CHST15: variants seen among roughly 807,000 people sequenced by gnomAD.
CHST15 encodes carbohydrate sulfotransferase 15, also known as B cell RAG associated protein (GALNAC4S-6ST).
CHST15 carries 30 observed loss-of-function variants against 53.6 expected under a neutral mutation model. The ratio of observed to expected loss-of-function variants is 0.56; its 90% confidence interval spans 0.42 to 0.76. The LOEUF (loss-of-function observed/expected upper bound fraction) is 0.76, where lower values mean the gene tolerates loss of function less well. Among genes scored for constraint, CHST15 ranks in the 30% least tolerant of loss-of-function variants. The pLI, the probability that CHST15 is intolerant of heterozygous loss-of-function variation, is 0.00. For missense variants in CHST15, 627 were observed against 740.5 expected (o/e 0.85, Z 1.78); for synonymous variants, 296 against 289.8 (o/e 1.02, Z -0.22).
intron 5 of CHST15, 84 bp from the exon 6 acceptor site, chr10:124,021,496 T>C: frequency 4.6e-6 from 7 of 1,535,298 alleles, no homozygotes; most frequent in Non-Finnish European, 6.1e-6. Context: ...CAGTGTACAA[T>C]TACATTATCT....
chr10:124,047,960 T>C (rs1203304765), intron 1 of CHST15, among the ~76,000 whole-genome samples: 4 of 152,180 alleles, frequency 2.6e-5, no homozygotes, highest in African/African-American at 9.7e-5. Context: ...CAACCCTCAC[T>C]GTCTCCATAG....
chr10:124,038,982 C>G (rs896743105), intron 4 of CHST15, among the ~76,000 whole-genome samples: 1 of 152,190 alleles, frequency 6.6e-6, no homozygotes, highest in Non-Finnish European at 1.5e-5. Flanking sequence ...TCCCTAGCAC[C>G]TGGGCCCCCA....
chr10:124,061,632 T>C (rs1948577717), intron 1 of CHST15, among the ~76,000 whole-genome samples: 2 of 152,166 alleles, frequency 1.3e-5, no homozygotes, highest in African/African-American at 4.8e-5. Flanking sequence ...CAATTTTACT[T>C]ACATAGAGCA....
In CHST15 at chr10:124,046,063, C is replaced by T. The variant is rs1190545092; in HGVS notation, c.150G>A (p.Lys50=). 2 of 1,614,256 alleles carry T rather than the reference C, an allele frequency of 1.2e-6. No individual in the cohort carries two copies. The highest frequency in any genetic ancestry group is 3.3e-5 in the Admixed American group (2 of 60,038). The change falls in exon 2 of 8, where the codon AAG becomes AAA. Residue 50 remains lysine, a synonymous_variant. Coordinates refer to ENST00000435907, the MANE Select transcript of CHST15 (RefSeq NM_001270764.2). ...CGAGAACAGCAAGCAAGTTCATCTG[C>T]TTACTGTCCACACGAAACAGAATTT... The part of the protein sequence containing the change: ...ENKILFRVDS[K]QMNLLAVLEV...
intron 1 of CHST15, among the ~76,000 whole-genome samples, chr10:124,047,732 C>T (rs184911256): frequency 2.0e-5 from 3 of 152,262 alleles, no homozygotes. Context: ...TGAATAATGC[C>T]TGCCACATAT....
intron 6 of CHST15, chr10:124,020,460 C>T: frequency 2.0e-6 from 2 of 985,532 alleles, no homozygotes; most frequent in Non-Finnish European, 2.4e-6. Context: ...CTGCATGCTG[C>T]CTCCCAGATC....
intron 6 of CHST15, among the ~76,000 whole-genome samples, chr10:124,013,595 T>C (rs1052428474): frequency 6.6e-6 from 1 of 152,142 alleles, no homozygotes; most frequent in Non-Finnish European, 1.5e-5. Context: ...TTCTGGAAAA[T>C]TACTAAACCT....
chr10:124,035,092 A>ACCCCTAACAGGGACCCCGGCTCTGC (rs1947413102), intron 5 of CHST15, among the ~76,000 whole-genome samples: 5 of 88,282 alleles, frequency 5.7e-5, no homozygotes, highest in Admixed American at 1.2e-4. Context: ...CGCCGGCTCC[A>ACCCCTAACAGGGACCCCGGCTCTGC]CCCCTAACAG....
At chr10:124,010,454 C>T (rs2133811893) in intron 7 of CHST15, 115 bp from the exon 8 acceptor site, 1 of 1,416,086 alleles carries the variant, frequency 7.1e-7, no homozygotes, top group Non-Finnish European at 9.2e-7. Context: ...TTTAAGAGAA[C>T]ATATTTAGGG....
intron 1 of CHST15, among the ~76,000 whole-genome samples, chr10:124,084,000 C>A (rs1367598573): frequency 6.6e-6 from 1 of 152,210 alleles, no homozygotes. Context: ...TCTAAGCCCA[C>A]ACAATGTTTC....
intron 5 of CHST15, among the ~76,000 whole-genome samples, chr10:124,029,765 G>A (rs530715759): frequency 3.3e-5 from 5 of 152,312 alleles, no homozygotes; most frequent in Admixed American, 2.0e-4. Context: ...ACTGCACACC[G>A]GGGCGGGGCC....
chr10:124,048,307 G>C (rs58811033), intron 1 of CHST15, among the ~76,000 whole-genome samples: 7 of 152,198 alleles, frequency 4.6e-5, no homozygotes, highest in Admixed American at 1.3e-4. Context: ...AATACACAAA[G>C]TTGGAAGTAC....
chr10:124,087,094 C>G (rs1949454790), intron 1 of CHST15, among the ~76,000 whole-genome samples: 1 of 152,238 alleles, frequency 6.6e-6, no homozygotes, highest in African/African-American at 2.4e-5. Flanking sequence ...AAAGGGAACA[C>G]AGCTGCCCAG....
At chr10:124,083,580 C>T in intron 1 of CHST15, among the ~76,000 whole-genome samples, 1 of 152,106 alleles carries the variant, frequency 6.6e-6, no homozygotes, top group East Asian at 1.9e-4. Flanking sequence ...CTGTACATCT[C>T]CTCATATCTA....
Position 124,010,162 on chromosome 10 carries a change from C to G in CHST15, c.1673G>C (p.Trp558Ser). ...ACAATTCAGCTCTCACGTCGTCTTCCACGCAAACGCCTCATCCGCGAGGAC... is the reference window on the plus strand; with the variant it reads ...ACAATTCAGCTCTCACGTCGTCTTCGACGCAAACGCCTCATCCGCGAGGAC... ...AQVLADEAFAWKTT is the reference protein window; with the variant it reads ...AQVLADEAFASKTT The change falls in exon 8 of 8, where the codon TGG (tryptophan) becomes TCG (serine). Residue 558 changes from tryptophan (W) to serine (S), a missense_variant. Coordinates refer to ENST00000435907, the MANE Select transcript of CHST15 (RefSeq NM_001270764.2). 1 of 1,612,974 alleles carries G rather than the reference C, an allele frequency of 6.2e-7. No individual in the cohort carries two copies. The highest frequency in any genetic ancestry group is 8.5e-7 in the Non-Finnish European group (1 of 1,180,046).
Position 124,038,583 on chromosome 10 carries a change from C to A in CHST15, c.1122G>T (p.Thr374=). ...NSTDGEPPFL[T]QDFIHAFQPN... ...GCTGAAAGGCGTGGATGAAGTCCTG[C>A]GTCAGAAACGGTGGCTCGCCATCCG... The change falls in exon 5 of 8, where the codon ACG becomes ACT. Residue 374 remains threonine, a synonymous_variant. Transcript: ENST00000435907. 4 of 1,614,218 alleles carry A rather than the reference C, an allele frequency of 2.5e-6. No homozygotes were observed. Among genetic ancestry groups the A allele is most frequent in the South Asian group, 1.1e-5 (1 of 91,092 alleles).
rs1489046986 is a variant in CHST15, at chr10:124,027,629, C to G, written c.1191-6217G>C. On this transcript the variant is annotated intron_variant, in intron 5 of 7. Transcript: ENST00000435907. ...TCAGTTTCCACTCCTGATGTGGATG[C>G]TGGGGGGTAGGGAGGGCCACCACCA... 2.0e-5 allele frequency among the ~76,000 whole-genome samples: 3 copies of G among 152,150 alleles called. No individual in the cohort carries two copies. The East Asian group carries it at 5.8e-4, about 29-fold the overall frequency.
intron 2 of CHST15, 108 bp from the exon 3 acceptor site, chr10:124,045,027 G>A: frequency 1.9e-6 from 1 of 520,032 alleles, no homozygotes; most frequent in Non-Finnish European, 2.7e-6. Flanking sequence ...GTTCAAATTT[G>A]AACTAATATT....
At chr10:124,035,486 A>ACCCCTGATAGGTACCCTGGCTTCAT (rs2133946702) in intron 5 of CHST15, among the ~76,000 whole-genome samples, 1 of 137,220 alleles carries the variant, frequency 7.3e-6, no homozygotes, top group East Asian at 2.3e-4. Flanking sequence ...CCCCGGCTCT[A>ACCCCTGATAGGTACCCTGGCTTCAT]CCCCTGATAG....
Sources: allele counts gnomAD v4.1 joint callset (sites outside exome capture counted in the v4.1 genomes callset), GRCh38; gene constraint gnomAD v4.1.1; transcripts MANE v1.5; gene names NCBI Gene and HGNC (gene_info 2026-07-23, HGNC 2026-07-21).